The following PRKN variants were observed in gnomAD, a reference collection of about 807,000 sequenced individuals.
PRKN encodes the protein E3 ubiquitin-protein ligase parkin.
Under a neutral mutation model 59.5 loss-of-function variants are expected in PRKN, and 56 were observed. The observed-to-expected ratio is 0.94, with a 90% CI of 0.76 to 1.18. The LOEUF is 1.18. Among genes scored for constraint, PRKN ranks in the 50% most tolerant of loss-of-function variants. PRKN has a pLI of 0.00. For synonymous variants in PRKN, 250 were observed against 222.1 expected, an observed-to-expected ratio of 1.13 and a Z score of -1.12; for missense variants, 657 against 596.4, an observed-to-expected ratio of 1.10 and a Z score of -1.06.
At chr6:162,384,507 C>T (rs751280712) in intron 2 of PRKN, among the ~76,000 whole-genome samples, 2 of 152,030 alleles carry the variant, frequency 1.3e-5, no homozygotes, top group Non-Finnish European at 2.9e-5. Context: ...GCTCACAGAT[C>T]ACCAAAGCAG....
intron 6 of PRKN, among the ~76,000 whole-genome samples, chr6:161,822,168 A>G (rs900268541): frequency 2.6e-5 from 4 of 152,164 alleles, no homozygotes; most frequent in Admixed American, 1.3e-4. Flanking sequence ...ATTTAATGGG[A>G]CATGCGGTCA....
At chr6:162,421,231 T>C (rs1313577159) in intron 2 of PRKN, among the ~76,000 whole-genome samples, 2 of 152,204 alleles carry the variant, frequency 1.3e-5, no homozygotes, top group African/African-American at 4.8e-5. Context: ...AGGCAGCACC[T>C]GCGTGGCTGT....
intron 7 of PRKN, among the ~76,000 whole-genome samples, chr6:161,707,201 C>T (rs1218216781): frequency 6.6e-6 from 1 of 152,064 alleles, no homozygotes; most frequent in Non-Finnish European, 1.5e-5. Context: ...AATGTGGTTA[C>T]TTGTGTTATT....
At chr6:162,266,546 C>T (rs982036539) in intron 2 of PRKN, 4 of 152,056 alleles carry the variant, frequency 2.6e-5, no homozygotes, top group Non-Finnish European at 5.9e-5. Context: ...TATAAACAGT[C>T]ATAAGCTCAG....
At chr6:161,724,004 T>C (rs953246600) in intron 7 of PRKN, among the ~76,000 whole-genome samples, 3 of 152,174 alleles carry the variant, frequency 2.0e-5, no homozygotes, top group African/African-American at 7.2e-5. Flanking sequence ...GCTCCTTCCA[T>C]TGTGAGTGTG....
chr6:161,512,527 G>A (rs928880037), intron 9 of PRKN, among the ~76,000 whole-genome samples: 7 of 152,152 alleles, frequency 4.6e-5, no homozygotes, highest in African/African-American at 1.4e-4. Flanking sequence ...CATTTCTCAC[G>A]GTCAACAGAG....
chr6:162,244,164 C>T (rs779976775), intron 3 of PRKN, among the ~76,000 whole-genome samples: 2 of 152,078 alleles, frequency 1.3e-5, no homozygotes, highest in South Asian at 2.1e-4. Flanking sequence ...TAAGTGGTTA[C>T]GAATATTAAC....
intron 9 of PRKN, among the ~76,000 whole-genome samples, chr6:161,505,466 T>G (rs1169979809): frequency 6.6e-6 from 1 of 151,648 alleles, no homozygotes; most frequent in Non-Finnish European, 1.5e-5. Context: ...ATTCTCCCAT[T>G]TTGTGGGCTG....
chr6:161,981,165 A>C (rs1419451920), intron 5 of PRKN, among the ~76,000 whole-genome samples: 1 of 152,156 alleles, frequency 6.6e-6, no homozygotes, highest in Non-Finnish European at 1.5e-5. Flanking sequence ...TGTCACTTCA[A>C]ATCAATCTAA....
chr6:161,508,160 T>A (rs1224600140), intron 9 of PRKN, among the ~76,000 whole-genome samples: 1 of 152,238 alleles, frequency 6.6e-6, no homozygotes, highest in Non-Finnish European at 1.5e-5. Flanking sequence ...ATTGCATGAA[T>A]AGCTGAGATT....
chr6:161,819,497 A>G (rs1562315847), intron 6 of PRKN, among the ~76,000 whole-genome samples: 2 of 152,170 alleles, frequency 1.3e-5, no homozygotes, highest in East Asian at 3.8e-4. Context: ...TCTCAAAAAA[A>G]TAAAAATAAA....
intron 6 of PRKN, among the ~76,000 whole-genome samples, chr6:161,805,317 C>T (rs1791261606): frequency 1.3e-5 from 2 of 152,116 alleles, no homozygotes; most frequent in African/African-American, 4.8e-5. Flanking sequence ...AGAAGCAGTG[C>T]CTTTTCCAAT....
intron 7 of PRKN, among the ~76,000 whole-genome samples, chr6:161,570,607 T>G (rs1030414348): frequency 4.6e-5 from 7 of 152,022 alleles, no homozygotes; most frequent in African/African-American, 1.4e-4. Context: ...CTCTTCCTGA[T>G]GATTTTCTTA....
At chr6:162,639,653 T>C (rs998193187) in intron 1 of PRKN, among the ~76,000 whole-genome samples, 12 of 149,496 alleles carry the variant, frequency 8.0e-5, no homozygotes, top group Admixed American at 7.5e-4. Context: ...GGTAAAAGCC[T>C]ACACTGAACG....
At chr6:162,507,330 C>T (rs1385825143) in intron 1 of PRKN, among the ~76,000 whole-genome samples, 2 of 152,074 alleles carry the variant, frequency 1.3e-5, no homozygotes, top group African/African-American at 4.8e-5. Flanking sequence ...CATCCAATGG[C>T]TTCTCACTGT....
Position 161,373,772 on chromosome 6 carries a change from G to T in PRKN, c.1167+13022C>A, listed in dbSNP as rs1349209283. 1.3e-5 allele frequency among the ~76,000 whole-genome samples: 2 copies of T among 152,136 alleles called. No individual in the cohort carries two copies. The highest frequency in any genetic ancestry group is 2.9e-5 in the Non-Finnish European group (2 of 68,030). ...TCACACATGGTCAACATGCTTTTCT[G>T]TGGAGTGACAATATTTTGTCCCCCC... On this transcript the variant is annotated intron_variant, in intron 10 of 11. Coordinates refer to ENST00000366898, the MANE Select transcript of PRKN (RefSeq NM_004562.3). This position sits in a 1 kb window ranked among gnomAD's most constrained non-coding sequence, Gnocchi z 4.8.
At chr6:161,648,986 A>G (rs1320391982) in intron 7 of PRKN, among the ~76,000 whole-genome samples, 1 of 152,186 alleles carries the variant, frequency 6.6e-6, no homozygotes, top group East Asian at 1.9e-4. Flanking sequence ...TTCTTCAGGG[A>G]TCCTTAAAAC....
At chr6:161,680,602 T>A (rs1020278381) in intron 7 of PRKN, among the ~76,000 whole-genome samples, 2 of 151,136 alleles carry the variant, frequency 1.3e-5, no homozygotes, top group Non-Finnish European at 2.9e-5. Flanking sequence ...TAGATTAGAG[T>A]GCAAAGGAGA....
intron 6 of PRKN, among the ~76,000 whole-genome samples, chr6:161,918,409 T>G (rs1483021970): frequency 6.6e-6 from 1 of 152,142 alleles, no homozygotes; most frequent in Non-Finnish European, 1.5e-5. Flanking sequence ...GCAAGAGAGA[T>G]TCAGCTCTAC....
Sources: allele counts gnomAD v4.1 joint callset (sites outside exome capture counted in the v4.1 genomes callset), GRCh38; gene constraint gnomAD v4.1.1; non-coding constraint Gnocchi (gnomAD v3.1); transcripts MANE v1.5; gene names NCBI Gene and HGNC (gene_info 2026-07-23, HGNC 2026-07-21).